Variants in SLC25A37 observed in about 807,000 individuals in gnomAD.
SLC25A37 encodes the protein mitoferrin-1.
In SLC25A37, 17 loss-of-function variants were observed where a neutral mutation model predicts 31.0. The observed-to-expected ratio is 0.55, with a 90% CI of 0.38 to 0.82. SLC25A37 has a LOEUF of 0.82. Among genes scored for constraint, SLC25A37 ranks in the 40% least tolerant of loss-of-function variants. The pLI, the probability that SLC25A37 is intolerant of heterozygous loss-of-function variation, is 0.00. For synonymous variants in SLC25A37, 222 were observed against 193.0 expected, an observed-to-expected ratio of 1.15 and a Z score of -1.24; for missense variants, 404 against 465.8, an observed-to-expected ratio of 0.87 and a Z score of 1.22.
At chr8:23,535,270 C>A (rs112435390) in intron 1 of SLC25A37, among the ~76,000 whole-genome samples, 112 of 152,298 alleles carry the variant, frequency 7.4e-4, no homozygotes, top group African/African-American at 2.6e-3. Context: ...CTGGCCTCAG[C>A]TCCACATGTC....
chr8:23,564,123 TTGC>T (rs1180737448), intron 1 of SLC25A37, among the ~76,000 whole-genome samples: 2 of 152,188 alleles, frequency 1.3e-5, no homozygotes, highest in Admixed American at 6.5e-5. Context: ...GTGGTGATTG[TTGC>T]TTATATTGTT....
rs1375859124 is a variant in SLC25A37 at position 23,574,340 on chromosome 8, C to G, written c.*2485C>G. 6.5e-6 allele frequency: 1 copy of G among 154,754 alleles called. No individual in the cohort carries two copies. Among genetic ancestry groups the G allele is most frequent in the African/African-American group, 2.4e-5 (1 of 41,490 alleles). 9.6% of individuals were successfully genotyped at this position (154,754 alleles called of 1,614,324 possible). On this transcript the variant is annotated 3_prime_UTR_variant, in exon 4 of 4. Coordinates refer to ENST00000519973, the MANE Select transcript of SLC25A37 (RefSeq NM_016612.4). ...AATTAGCTGGGCATGGTGGCAGGCACCTGTAATCCCAGTTACTTGGGAGGC... is the reference window on the plus strand; with the variant it reads ...AATTAGCTGGGCATGGTGGCAGGCAGCTGTAATCCCAGTTACTTGGGAGGC...
At position 23,538,398 on chromosome 8, in the gene SLC25A37, A is replaced by C. The variant is rs998637805; in HGVS notation, c.210+9186A>C. On this transcript the variant is annotated intron_variant, in intron 1 of 3. Transcript: ENST00000519973. The stretch of plus-strand genomic sequence containing the variant: ...TTCATCTCAAAAAAAAAAAAAAAAA[A>C]AAAAAAAACCAGAAAAAAAAACTTG... Among the ~76,000 whole-genome samples the C allele has an allele frequency of 2.8e-5, 4 of 143,844 alleles. 1 individual carries two copies. Among genetic ancestry groups the C allele is most frequent in the Non-Finnish European group, 6.2e-5 (4 of 64,736 alleles). The allele number at this position is 143,844 out of a possible 152,430, so 94.4% of individuals were successfully genotyped here. A position where few individuals can be genotyped will look rare whatever the true frequency, so the allele number is the denominator to read the frequency against.
rs927394511 is a variant in SLC25A37, at chr8:23,571,830, A to G, written c.992A>G (p.Gln331Arg). The G allele has an allele frequency of 3.7e-6, 6 of 1,611,654 alleles. No individual in the cohort carries two copies. The Admixed American group carries it at 5.0e-5, about 13-fold the overall frequency. Residue 331 changes from glutamine (Q) to arginine (R), a missense_variant, in exon 4 of 4, where the codon CAG becomes CGG. By Grantham distance (43) the Gln-to-Arg change is conservative. Transcript: ENST00000519973. ...EFFKYFLTKRQLENRAPY is the reference protein window; with the variant it reads ...EFFKYFLTKRRLENRAPY ...TTCAAGTACTTTCTCACCAAGCGCC[A>G]GCTGGAAAATCGAGCTCCATACTAA... is the stretch of plus-strand genomic sequence containing the variant.
At chr8:23,547,221 G>T (rs1205368222) in intron 1 of SLC25A37, among the ~76,000 whole-genome samples, 4 of 152,216 alleles carry the variant, frequency 2.6e-5, no homozygotes, top group Admixed American at 2.6e-4. Flanking sequence ...TAGCTCGAGT[G>T]TAAGGGAGGG....
chr8:23,567,356 C>G (rs1802691732), intron 2 of SLC25A37: 1 of 152,124 alleles, frequency 6.6e-6, no homozygotes. Flanking sequence ...AAGAGCTATG[C>G]CCTGACCTAC....
chr8:23,546,528 G>GGTGTGTATATATATATATATATATA (rs373417540), intron 1 of SLC25A37, among the ~76,000 whole-genome samples: 3 of 78,532 alleles, frequency 3.8e-5, no homozygotes, highest in African/African-American at 5.2e-5. Context: ...TATATATATA[G>GGTGTGTATATATATATATATATATA]GTGTATATAT....
rs899529991 is a variant in SLC25A37 at position 23,572,250 on chromosome 8, T to G, written c.*395T>G. ...AAAAAAAAAAAAAAAAAAAAAAAAT[T>G]TATGTATATAAAAGTTGCATTACAC... On this transcript the variant is annotated 3_prime_UTR_variant, in exon 4 of 4. Transcript: ENST00000519973. 1.3e-5 allele frequency: 1 copy of G among 74,254 alleles called. No homozygotes were observed. The highest frequency in any genetic ancestry group is 3.0e-5 in the Non-Finnish European group (1 of 32,938). The allele number at this position is 74,254 out of a possible 1,614,324, so 4.6% of individuals were successfully genotyped here. A position where few individuals can be genotyped will look rare whatever the true frequency, so the allele number is the denominator to read the frequency against.
At chr8:23,566,374 C>T in intron 2 of SLC25A37, 38 bp downstream of exon 2, 2 of 1,585,342 alleles carry the variant, frequency 1.3e-6, no homozygotes. Context: ...AGAAAGTTCT[C>T]TTCTTCAACA....
chr8:23,559,698 TG>T (rs1367827484), intron 1 of SLC25A37, among the ~76,000 whole-genome samples: 1 of 152,214 alleles, frequency 6.6e-6, no homozygotes, highest in African/African-American at 2.4e-5. Flanking sequence ...TTCCACTTTT[TG>T]TCTACAAATT....
Position 23,529,179 on chromosome 8 carries a change from G to T in SLC25A37, c.177G>T (p.Glu59Asp), listed in dbSNP as rs767086619. The T allele has an allele frequency of 6.2e-7, 1 of 1,611,214 alleles. No homozygotes were observed. The highest frequency in any genetic ancestry group is 1.7e-5 in the Admixed American group (1 of 59,860). ...MTAGAMAGIL[E>D]HSVMYPVDSV... ...CAGGAGCGATGGCCGGGATCCTGGA[G>T]CACTCGGTCATGTACCCGGTGGACT... The change falls in exon 1 of 4, where the codon GAG becomes GAT. Residue 59 changes from glutamate to aspartate, a missense_variant. Glu to Asp is a conservative substitution (Grantham distance 45). Coordinates refer to ENST00000519973, the MANE Select transcript of SLC25A37 (RefSeq NM_016612.4). This position sits in a 1 kb window ranked among gnomAD's most constrained non-coding sequence, Gnocchi z 4.1.
At chr8:23,551,585 A>T (rs1431181419) in intron 1 of SLC25A37, among the ~76,000 whole-genome samples, 1 of 151,978 alleles carries the variant, frequency 6.6e-6, no homozygotes, top group Admixed American at 6.5e-5. Context: ...TCCAAAGGAA[A>T]AAAAAAAAAG....
rs117976733 is a variant in SLC25A37 at position 23,529,789 on chromosome 8, C to T, written c.210+577C>T. ...TAGTGGCAGCTCTTTACCGGTTCGACAGCGGCCCGTGGGATCCCCTTTCTG... is the reference window on the plus strand; with the variant it reads ...TAGTGGCAGCTCTTTACCGGTTCGATAGCGGCCCGTGGGATCCCCTTTCTG... On this transcript the variant is annotated intron_variant, in intron 1 of 3. Transcript: ENST00000519973. This position sits in a 1 kb window ranked among gnomAD's most constrained non-coding sequence, Gnocchi z 4.1. 8.0e-3 allele frequency among the ~76,000 whole-genome samples: 1,215 copies of T among 152,288 alleles called. 16 individuals carry two copies. The highest frequency in any genetic ancestry group is 9.0e-3 in the Non-Finnish European group (610 of 68,022).
At chr8:23,538,401 A>AC (rs1801817616) in intron 1 of SLC25A37, among the ~76,000 whole-genome samples, 2 of 143,772 alleles carry the variant, frequency 1.4e-5, no homozygotes, top group African/African-American at 5.1e-5. Context: ...AAAAAAAAAA[A>AC]AAAAACCAGA....
chr8:23,560,630 G>T (rs1032222175), intron 1 of SLC25A37, among the ~76,000 whole-genome samples: 1 of 152,246 alleles, frequency 6.6e-6, no homozygotes, highest in East Asian at 1.9e-4. Context: ...CCCAGCGGGG[G>T]CCTGACCAGG....
At position 23,546,564 on chromosome 8, in the gene SLC25A37, A is replaced by AG. The variant is rs1563256153; in HGVS notation, c.210+17352_210+17353insG. ...ATATATATATATATAGTGTATATATATATATATATATATATATAGTGTATA... is the reference window on the plus strand; with the variant it reads ...ATATATATATATATAGTGTATATATAGTATATATATATATATATAGTGTATA... On this transcript the variant is annotated intron_variant, in intron 1 of 3. Transcript: ENST00000519973. Among the ~76,000 whole-genome samples the AG allele has an allele frequency of 5.6e-4, 56 of 100,828 alleles. 1 individual carries two copies. Among genetic ancestry groups the AG allele is most frequent in the African/African-American group, 1.7e-3 (52 of 31,338 alleles). 66.1% of individuals were successfully genotyped at this position (100,828 alleles called of 152,430 possible).
chr8:23,533,590 C>T (rs76398659), intron 1 of SLC25A37, among the ~76,000 whole-genome samples: 7,256 of 152,288 alleles, frequency 0.048, 236 homozygotes, highest in Admixed American at 0.095. Flanking sequence ...TTCTGACTCT[C>T]TCTGACTTCA....
intron 1 of SLC25A37, among the ~76,000 whole-genome samples, chr8:23,544,428 A>G (rs940516184): frequency 1.3e-5 from 2 of 152,172 alleles, no homozygotes; most frequent in Non-Finnish European, 1.5e-5. Context: ...TAATTAAGGA[A>G]TGGGGCCTAT....
chr8:23,566,379 T>C, intron 2 of SLC25A37, 43 bp downstream of exon 2: 7 of 1,578,574 alleles, frequency 4.4e-6, no homozygotes, highest in Non-Finnish European at 6.0e-6. Flanking sequence ...GTTCTCTTCT[T>C]CAACACGTCC....
Sources: gnomAD v4.1 joint callset for allele counts (sites outside exome capture counted in the v4.1 genomes callset) on GRCh38, gnomAD v4.1.1 for gene constraint, Gnocchi (gnomAD v3.1) non-coding constraint, MANE v1.5 for transcripts, NCBI Gene and HGNC (gene_info 2026-07-23, HGNC 2026-07-21) for gene names.